The following ALDH3B2 variants were observed in gnomAD, a reference collection of about 807,000 sequenced individuals.
ALDH3B2 encodes aldehyde dehydrogenase family 3 member B2.
In ALDH3B2, 45 loss-of-function variants were observed where a neutral mutation model predicts 36.7. The observed-to-expected ratio is 1.23, with a 90% CI of 0.97 to 1.57. The LOEUF is 1.57. ALDH3B2 is among the 40% of genes most tolerant of loss of function. ALDH3B2 has a pLI of 0.00. For missense variants in ALDH3B2, 464 were observed against 513.3 expected (o/e 0.90, Z 0.93); for synonymous variants, 217 against 226.5 (o/e 0.96, Z 0.38).
chr11:67,672,146 GTA>G lies in ALDH3B2; in HGVS notation c.-245+2289_-245+2290del, dbSNP rs1856144703. Among the ~76,000 whole-genome samples, 17 of 43,370 alleles carry G rather than the reference GTA, an allele frequency of 3.9e-4. No homozygotes were observed. The South Asian group carries it at 0.021, about 52-fold the overall frequency. 28.5% of individuals were successfully genotyped at this position (43,370 alleles called of 152,430 possible). The stretch of plus-strand genomic sequence containing the variant: ...TGTGTGTGTGTGTGTATATATATAT[GTA>G]TTTTTTTTTTTTTTTTGAGACAGAC... On this transcript the variant is annotated intron_variant, in intron 1 of 9. Transcript: ENST00000349015.
At chr11:67,663,454 C>G in intron 9 of ALDH3B2, 55 bp from the exon 10 acceptor site, 2 of 1,566,014 alleles carry the variant, frequency 1.3e-6, no homozygotes, top group South Asian at 1.2e-5. Context: ...GGAGCCCCAG[C>G]AGCAGCCCAC....
In ALDH3B2 at chr11:67,664,338, G is replaced by A. The variant is rs752574889; in HGVS notation, c.873+58C>T. 1.6e-5 allele frequency: 26 copies of A among 1,609,158 alleles called. No individual in the cohort carries two copies. The South Asian group carries it at 2.4e-4, about 15-fold the overall frequency. On this transcript the variant is annotated intron_variant, in intron 8 of 9. Transcript: ENST00000349015. ...GCTGGGAAGGGCTGTGAAAGGAAAGGTGCCAGTCTGTGCCCCTTTCAGCCC... is the reference window on the plus strand; with the variant it reads ...GCTGGGAAGGGCTGTGAAAGGAAAGATGCCAGTCTGTGCCCCTTTCAGCCC...
At chr11:67,679,462 C>T (rs1397851730), upstream of ALDH3B2, among the ~76,000 whole-genome samples, 2 of 150,638 alleles carry the variant, frequency 1.3e-5, no homozygotes, top group East Asian at 2.0e-4. Flanking sequence ...AAGAGCGAGA[C>T]TCCATCTCAA....
chr11:67,672,591 AC>A (rs1414005283), intron 1 of ALDH3B2, among the ~76,000 whole-genome samples: 3 of 149,566 alleles, frequency 2.0e-5, no homozygotes, highest in Admixed American at 2.0e-4. Context: ...GGCAAAATTA[AC>A]TTTTTTTTTT....
exon 5 of ALDH3B2, chr11:67,666,326 T>C (rs919086630): frequency 6.2e-7 from 1 of 1,607,182 alleles, no homozygotes; most frequent in Non-Finnish European, 8.5e-7. Flanking sequence ...CTGGTCCAGG[T>C]ACTGGGGCAG....
At chr11:67,671,152 G>A (rs1856099147) in intron 1 of ALDH3B2, 2 of 152,324 alleles carry the variant, frequency 1.3e-5, no homozygotes, top group Non-Finnish European at 2.9e-5. Flanking sequence ...ATGAGCTATG[G>A]CACACAGGTG....
At chr11:67,669,793 GGT>G (rs1424192888) in intron 1 of ALDH3B2, among the ~76,000 whole-genome samples, 3 of 55,872 alleles carry the variant, frequency 5.4e-5, no homozygotes. Flanking sequence ...TGTGTGTATG[GGT>G]GTGTGTGTCC....
chr11:67,663,247 C>A, exon 10 of ALDH3B2: 1 of 1,612,888 alleles, frequency 6.2e-7, no homozygotes, highest in South Asian at 1.1e-5. Flanking sequence ...GAGCCCATGC[C>A]CCAGCGTAAC....
exon 7 of ALDH3B2, chr11:67,665,664 A>T: frequency 6.2e-7 from 1 of 1,607,510 alleles, no homozygotes; most frequent in African/African-American, 1.3e-5. Context: ...TGCCCACACG[A>T]GGGCTCCCTG....
At position 67,667,409 on chromosome 11, in the gene ALDH3B2, C is replaced by T. The variant is rs1855950994; in HGVS notation, c.-82+64G>A. 4 of 348,078 alleles carry T rather than the reference C, an allele frequency of 1.1e-5. No homozygotes were observed. The Admixed American group carries it at 1.8e-4, about 15-fold the overall frequency. 21.6% of individuals were successfully genotyped at this position (348,078 alleles called of 1,614,324 possible). On this transcript the variant is annotated intron_variant, in intron 2 of 9. Transcript: ENST00000349015. ...ATAGCCAGTCACTAGGGGGCACGGG[C>T]CCTCCTGAAAGAGGACAGGGACGCT...
At chr11:67,678,817 T>G (rs1856318269), upstream of ALDH3B2, among the ~76,000 whole-genome samples, 2 of 151,470 alleles carry the variant, frequency 1.3e-5, no homozygotes, top group African/African-American at 4.9e-5. Flanking sequence ...ATGGTATATA[T>G]ATATATATGT....
At chr11:67,665,876 C>A (rs1316140005) in intron 6 of ALDH3B2, among the ~76,000 whole-genome samples, 4 of 152,184 alleles carry the variant, frequency 2.6e-5, no homozygotes, top group Admixed American at 6.5e-5. Context: ...AAGTCCTGGC[C>A]CGCCTCACCC....
chr11:67,672,115 TG>T (rs1856141456), intron 1 of ALDH3B2, among the ~76,000 whole-genome samples: 1 of 110,448 alleles, frequency 9.1e-6, no homozygotes, highest in African/African-American at 4.0e-5. Context: ...TGTGTGTGTG[TG>T]TGTGTGTGTG....
chr11:67,672,318 G>A (rs1856150901), intron 1 of ALDH3B2, among the ~76,000 whole-genome samples: 1 of 150,498 alleles, frequency 6.6e-6, no homozygotes, highest in Non-Finnish European at 1.5e-5. Context: ...ACCATGCCCG[G>A]CTAATTTTAT....
At chr11:67,665,238 G>A (rs150261528) in intron 7 of ALDH3B2, 47 bp downstream of exon 7, 2 of 1,548,018 alleles carry the variant, frequency 1.3e-6, no homozygotes, top group Admixed American at 3.9e-5. Flanking sequence ...CCTCCATTGA[G>A]AAAGGGTCTT....
intron 8 of ALDH3B2, 192 bp downstream of exon 8, chr11:67,664,204 T>C: frequency 1.2e-6 from 1 of 840,294 alleles, no homozygotes; most frequent in South Asian, 1.7e-5. Context: ...GCTAAGTGTC[T>C]GGTGGGTTTG....
At chr11:67,669,909 T>G (rs1431832055) in intron 1 of ALDH3B2, among the ~76,000 whole-genome samples, 2 of 140,804 alleles carry the variant, frequency 1.4e-5, no homozygotes, top group African/African-American at 5.4e-5. Flanking sequence ...TGTGTCCACG[T>G]GTGTCTGTGT....
upstream of ALDH3B2, among the ~76,000 whole-genome samples, chr11:67,679,517 T>G (rs1856331395): frequency 6.6e-6 from 1 of 151,660 alleles, no homozygotes; most frequent in Non-Finnish European, 1.5e-5. Context: ...CAGTGGCTCA[T>G]GCCTGTAATC....
At chr11:67,677,994 A>G (rs192046968), upstream of ALDH3B2, among the ~76,000 whole-genome samples, 554 of 152,348 alleles carry the variant, frequency 3.6e-3, no homozygotes, top group Non-Finnish European at 6.2e-3. Flanking sequence ...AACACATCCC[A>G]TGCTCATGGA....
Sources: gnomAD v4.1 joint callset for allele counts (sites outside exome capture counted in the v4.1 genomes callset) on GRCh38, gnomAD v4.1.1 for gene constraint, MANE v1.5 for transcripts, NCBI Gene and HGNC (gene_info 2026-07-23, HGNC 2026-07-21) for gene names.